The following SND1 variants were observed in gnomAD, a reference collection of about 807,000 sequenced individuals.
SND1 encodes staphylococcal nuclease domain-containing protein 1.
SND1 carries 38 observed loss-of-function variants against 121.7 expected under a neutral mutation model. The ratio of observed to expected loss-of-function variants is 0.31; its 90% confidence interval spans 0.24 to 0.41. The LOEUF is 0.41. Ranked by LOEUF, SND1 falls within the 10% of genes least tolerant of loss-of-function variation. The probability of loss-of-function intolerance (pLI) is 1.00; values close to 1 mark genes in which losing one functional copy is unlikely to be tolerated. For synonymous variants in SND1, 401 were observed against 447.4 expected, an observed-to-expected ratio of 0.90 and a Z score of 1.31; for missense variants, 868 against 1,184.6, an observed-to-expected ratio of 0.73 and a Z score of 3.92.
chr7:127,687,072 A>G (rs951690603), intron 2 of SND1: 40 of 233,628 alleles, frequency 1.7e-4, no homozygotes, highest in African/African-American at 8.6e-4. Context: ...AAGCATTTGA[A>G]ATCACCATTG....
chr7:127,915,927 G>A (rs1052120054), intron 14 of SND1, among the ~76,000 whole-genome samples: 1 of 151,894 alleles, frequency 6.6e-6, no homozygotes, highest in African/African-American at 2.4e-5. Flanking sequence ...TCCTTGAAAA[G>A]GATTTTGAAT....
chr7:128,001,418 G>C (rs997290151), intron 16 of SND1, among the ~76,000 whole-genome samples: 5 of 152,148 alleles, frequency 3.3e-5, no homozygotes, highest in Non-Finnish European at 7.3e-5. Flanking sequence ...TCTCTAAACC[G>C]AGGGCAATCT....
chr7:127,790,239 G>T (rs1487065175), intron 10 of SND1, among the ~76,000 whole-genome samples: 1 of 152,174 alleles, frequency 6.6e-6, no homozygotes, highest in East Asian at 1.9e-4. Flanking sequence ...CTTGGGTTTG[G>T]GTGAGGAGGT....
intron 8 of SND1, 36 bp downstream of exon 8, chr7:127,704,981 C>A: frequency 6.5e-7 from 1 of 1,537,392 alleles, no homozygotes; most frequent in Non-Finnish European, 9.0e-7. Flanking sequence ...AGCTGTGGAT[C>A]TTGTTAAGGA....
chr7:128,084,114 G>C (rs1040711507), intron 18 of SND1, among the ~76,000 whole-genome samples: 4 of 152,236 alleles, frequency 2.6e-5, no homozygotes, highest in Non-Finnish European at 5.9e-5. Flanking sequence ...ACAAGGGTCA[G>C]AGGGGCCAAG....
intron 9 of SND1, among the ~76,000 whole-genome samples, chr7:127,716,020 T>A (rs544151431): frequency 1.3e-4 from 20 of 152,342 alleles, no homozygotes; most frequent in African/African-American, 4.3e-4. Context: ...ATCATTTGAC[T>A]GTATATGCAA....
chr7:128,039,111 G>C (rs912940528), intron 16 of SND1, among the ~76,000 whole-genome samples: 2 of 152,064 alleles, frequency 1.3e-5, no homozygotes, highest in Non-Finnish European at 2.9e-5. Flanking sequence ...ACTCTTACAT[G>C]GTTCTCCCCA....
intron 16 of SND1, among the ~76,000 whole-genome samples, chr7:127,991,924 G>A (rs948195276): frequency 8.5e-5 from 13 of 152,180 alleles, no homozygotes; most frequent in African/African-American, 2.4e-5. Flanking sequence ...TACATGAGGC[G>A]TGAGAGAACA....
intron 20 of SND1, among the ~76,000 whole-genome samples, chr7:128,086,187 G>T (rs918588452): frequency 6.6e-6 from 1 of 152,232 alleles, no homozygotes; most frequent in East Asian, 1.9e-4. Flanking sequence ...TTGCTGGGAA[G>T]GGACAGTCAC....
At chr7:128,078,898 G>A (rs1171146284) in intron 17 of SND1, among the ~76,000 whole-genome samples, 2 of 152,228 alleles carry the variant, frequency 1.3e-5, no homozygotes, top group African/African-American at 2.4e-5. Flanking sequence ...GGAAAGGAGG[G>A]AGCTGGCAGG....
At chr7:127,918,055 CT>C (rs11375840) in intron 14 of SND1, among the ~76,000 whole-genome samples, 2 of 142,408 alleles carry the variant, frequency 1.4e-5, no homozygotes, top group Admixed American at 7.0e-5. Context: ...TAGATTTTTT[CT>C]TTTTTTTTTT....
At position 128,029,570 on chromosome 7, in the gene SND1, G is replaced by A. The variant is rs1017661160; in HGVS notation, c.1779+38514G>A. The A allele has an allele frequency of 1.2e-5, 20 of 1,613,900 alleles. No homozygotes were observed. Among genetic ancestry groups the A allele is most frequent in the African/African-American group, 8.0e-5 (6 of 74,882 alleles). On this transcript the variant is annotated intron_variant, in intron 16 of 23. Coordinates refer to ENST00000354725, the MANE Select transcript of SND1 (RefSeq NM_014390.4). The surrounding 1 kb of genome is among the most constrained non-coding windows in gnomAD (Gnocchi z 4.2). ...CAGAAATGTTGAGGTCTCGAGGTGC[G>A]TCCATGATGAAGGGGGCAGAGCACT...
chr7:127,702,361 G>A (rs1796119663), intron 5 of SND1, 74 bp from the exon 6 acceptor site: 1 of 1,328,390 alleles, frequency 7.5e-7, no homozygotes, highest in South Asian at 1.2e-5. Flanking sequence ...TGTGTTAAGT[G>A]CAGTTTGATT....
intron 12 of SND1, among the ~76,000 whole-genome samples, chr7:127,865,598 T>TC (rs1799455917): frequency 6.6e-6 from 1 of 152,038 alleles, no homozygotes; most frequent in Non-Finnish European, 1.5e-5. Context: ...ATTTTTTTTT[T>TC]CTCCTTTGTG....
At chr7:128,071,234 G>T (rs1439022039) in intron 16 of SND1, among the ~76,000 whole-genome samples, 1 of 152,188 alleles carries the variant, frequency 6.6e-6, no homozygotes, top group Non-Finnish European at 1.5e-5. Context: ...TAATGAGCCA[G>T]CAACACATAT....
At chr7:128,040,496 A>G (rs1792836299) in intron 16 of SND1, among the ~76,000 whole-genome samples, 1 of 150,992 alleles carries the variant, frequency 6.6e-6, no homozygotes, top group African/African-American at 2.4e-5. Flanking sequence ...AAAAAAAAAA[A>G]GTGACATGGT....
rs989928261 is a variant in SND1 at position 127,765,728 on chromosome 7, G to C, written c.1153-41756G>C. ...AAGGCCTCCAATTAAGAAAGATAAAGGATCTAATGGCTCCCTTAGCTGATG... is the reference window on the plus strand; with the variant it reads ...AAGGCCTCCAATTAAGAAAGATAAACGATCTAATGGCTCCCTTAGCTGATG... On this transcript the variant is annotated intron_variant, in intron 10 of 23. Coordinates refer to ENST00000354725, the MANE Select transcript of SND1 (RefSeq NM_014390.4). Among the ~76,000 whole-genome samples the C allele has an allele frequency of 3.3e-5, 5 of 152,158 alleles. No individual in the cohort carries two copies. In the East Asian group the frequency reaches 9.6e-4, roughly 29 times the overall value.
At chr7:127,893,733 C>A (rs971553996) in intron 13 of SND1, among the ~76,000 whole-genome samples, 2 of 152,048 alleles carry the variant, frequency 1.3e-5, no homozygotes, top group Admixed American at 6.6e-5. Flanking sequence ...TCTTGCCTGG[C>A]ACACTGCAGA....
intron 11 of SND1, among the ~76,000 whole-genome samples, chr7:127,829,988 G>C (rs1798709877): frequency 6.6e-6 from 1 of 152,156 alleles, no homozygotes; most frequent in African/African-American, 2.4e-5. Flanking sequence ...CCACTGAACT[G>C]GTACACCTTA....
Sources: allele counts gnomAD v4.1 joint callset (sites outside exome capture counted in the v4.1 genomes callset), GRCh38; gene constraint gnomAD v4.1.1; non-coding constraint Gnocchi (gnomAD v3.1); transcripts MANE v1.5; gene names NCBI Gene and HGNC (gene_info 2026-07-23, HGNC 2026-07-21).